Variants in DOCK1 observed in about 807,000 individuals in gnomAD.
DOCK1 encodes the protein dedicator of cytokinesis protein 1.
In DOCK1, 138 loss-of-function variants were observed where a neutral mutation model predicts 262.7. The ratio of observed to expected loss-of-function variants is 0.53; its 90% CI spans 0.46 to 0.61. The LOEUF (loss-of-function observed/expected upper bound fraction) is 0.61. Ranked by LOEUF, DOCK1 falls within the 20% of genes least tolerant of loss-of-function variation. The probability of loss-of-function intolerance (pLI) is 0.00; values close to 1 mark genes in which losing one functional copy is unlikely to be tolerated. For synonymous variants in DOCK1, 866 were observed against 867.4 expected, an observed-to-expected ratio of 1.00 and a Z score of 0.03; for missense variants, 1,908 against 2,370.7, an observed-to-expected ratio of 0.80 and a Z score of 4.05.
At chr10:127,444,056 G>A (rs2070366237) in intron 49 of DOCK1, 70 bp from the exon 50 acceptor site, 4 of 1,536,906 alleles carry the variant, frequency 2.6e-6, no homozygotes, top group Non-Finnish European at 3.5e-6. Context: ...TTCAACATAG[G>A]AATTTAGGTG....
intron 25 of DOCK1, among the ~76,000 whole-genome samples, chr10:127,124,648 T>A (rs1006804408): frequency 2.0e-5 from 3 of 152,210 alleles, no homozygotes; most frequent in Non-Finnish European, 4.4e-5. Flanking sequence ...TAGCCATGCG[T>A]CCCAGAGTGG....
chr10:127,237,125 G>A (rs139599669), intron 27 of DOCK1, among the ~76,000 whole-genome samples: 4,023 of 152,188 alleles, frequency 0.026, 158 homozygotes, highest in African/African-American at 0.087. Context: ...TTGGGAGGCC[G>A]AGGCGGGCAG....
chr10:127,042,188 C>G (rs1050058152), intron 19 of DOCK1, among the ~76,000 whole-genome samples: 5 of 152,192 alleles, frequency 3.3e-5, no homozygotes, highest in African/African-American at 1.2e-4. Flanking sequence ...CCTGGGCACC[C>G]TGGTTGGTAG....
intron 29 of DOCK1, among the ~76,000 whole-genome samples, chr10:127,291,512 C>T (rs2061343612): frequency 6.6e-6 from 1 of 152,192 alleles, no homozygotes; most frequent in Non-Finnish European, 1.5e-5. Flanking sequence ...AGTCTTACAG[C>T]ACAGCCCCAT....
chr10:127,058,506 G>A (rs2045322392), intron 22 of DOCK1, among the ~76,000 whole-genome samples: 1 of 151,840 alleles, frequency 6.6e-6, no homozygotes, highest in African/African-American at 2.4e-5. Flanking sequence ...TATATATAGT[G>A]TAATTAAGTA....
intron 1 of DOCK1, among the ~76,000 whole-genome samples, chr10:126,935,130 C>CT (rs1170275551): frequency 2.0e-5 from 3 of 152,138 alleles, no homozygotes; most frequent in South Asian, 2.1e-4. Context: ...AAATATAAAA[C>CT]TTTTTTTGGA....
chr10:126,977,762 C>T (rs941796897), intron 2 of DOCK1, among the ~76,000 whole-genome samples, 186 bp from the exon 3 acceptor site: 3 of 152,098 alleles, frequency 2.0e-5, no homozygotes, highest in African/African-American at 4.8e-5. Flanking sequence ...GCTCCGGGTG[C>T]GCTGTTGAAA....
chr10:127,445,616 T>C (rs1889477), intron 50 of DOCK1, among the ~76,000 whole-genome samples: 49,849 of 151,998 alleles, frequency 0.33, 8,466 homozygotes, highest in East Asian at 0.44. Flanking sequence ...CAAAGTTCAA[T>C]GTAGAATAAA....
chr10:127,199,926 T>A (rs1341518738), intron 27 of DOCK1, among the ~76,000 whole-genome samples: 2 of 152,142 alleles, frequency 1.3e-5, no homozygotes, highest in African/African-American at 4.8e-5. Flanking sequence ...CTGTATCCTC[T>A]CCAGTGTGCA....
At chr10:127,325,509 A>G (rs543133349) in intron 29 of DOCK1, among the ~76,000 whole-genome samples, 20 of 152,322 alleles carry the variant, frequency 1.3e-4, no homozygotes, top group African/African-American at 4.8e-4. Context: ...TACACAGCCA[A>G]CTGGTCAGTG....
intron 1 of DOCK1, among the ~76,000 whole-genome samples, chr10:126,952,138 A>G (rs1477757616): frequency 6.6e-6 from 1 of 151,970 alleles, no homozygotes; most frequent in Non-Finnish European, 1.5e-5. Context: ...ATGAGCTACC[A>G]TGCCTGGCCA....
At chr10:127,322,688 C>T (rs964220230) in intron 29 of DOCK1, among the ~76,000 whole-genome samples, 6 of 152,232 alleles carry the variant, frequency 3.9e-5, no homozygotes, top group Admixed American at 3.9e-4. Context: ...GCTGTCTATA[C>T]ATAAAGTTTT....
chr10:127,313,663 C>T (rs1372307624), intron 29 of DOCK1, among the ~76,000 whole-genome samples: 1 of 152,134 alleles, frequency 6.6e-6, no homozygotes, highest in African/African-American at 2.4e-5. Context: ...CTCACCCATC[C>T]TCCACCCCTC....
rs1194814788 is a variant in DOCK1 at position 127,175,828 on chromosome 10, C to T, written c.2847+48064C>T. 1.2e-6 allele frequency: 2 copies of T among 1,613,994 alleles called. No homozygotes were observed. The highest frequency in any genetic ancestry group is 1.3e-5 in the African/African-American group (1 of 74,902). ...CTTTTACAGGGCTCTGTGCAGTTGA[C>T]CCCCAAAGGCTGGTCCACTGTGTTC... On this transcript the variant is annotated intron_variant, in intron 27 of 51. Coordinates refer to ENST00000623213, the MANE Select transcript of DOCK1 (RefSeq NM_001290223.2). This position sits in a 1 kb window ranked among gnomAD's most constrained non-coding sequence, Gnocchi z 6.3.
chr10:127,431,315 T>C (rs945973133), intron 47 of DOCK1, among the ~76,000 whole-genome samples: 3 of 152,212 alleles, frequency 2.0e-5, no homozygotes, highest in African/African-American at 7.2e-5. Context: ...GAAGGAATTA[T>C]GCGGCAGACC....
intron 14 of DOCK1, 137 bp from the exon 15 acceptor site, chr10:127,024,548 T>A (rs9418797): frequency 1.5e-6 from 1 of 686,958 alleles, no homozygotes; most frequent in South Asian, 2.4e-5. Flanking sequence ...CTTCCCTTGC[T>A]GGGAACGTGT....
intron 27 of DOCK1, among the ~76,000 whole-genome samples, chr10:127,158,471 C>T (rs1037540789): frequency 6.6e-6 from 1 of 152,200 alleles, no homozygotes; most frequent in Non-Finnish European, 1.5e-5. Flanking sequence ...GTAAAGCACT[C>T]TTCCCTTTTG....
intron 27 of DOCK1, among the ~76,000 whole-genome samples, chr10:127,235,162 A>G (rs895580784): frequency 6.6e-6 from 1 of 151,396 alleles, no homozygotes; most frequent in African/African-American, 2.4e-5. Flanking sequence ...CGTATATTTT[A>G]TACATTATAA....
intron 29 of DOCK1, among the ~76,000 whole-genome samples, chr10:127,269,739 T>G (rs1340472312): frequency 1.3e-5 from 2 of 152,140 alleles, no homozygotes; most frequent in Non-Finnish European, 2.9e-5. Context: ...TCAGGGGGGT[T>G]GAATGAGTGG....
Sources: gnomAD v4.1 joint callset for allele counts (sites outside exome capture counted in the v4.1 genomes callset) on GRCh38, gnomAD v4.1.1 for gene constraint, Gnocchi (gnomAD v3.1) non-coding constraint, MANE v1.5 for transcripts, NCBI Gene and HGNC (gene_info 2026-07-23, HGNC 2026-07-21) for gene names.